Variants in IL22RA2 observed in about 807,000 individuals in gnomAD.
The protein encoded by IL22RA2 is interleukin-22 receptor subunit alpha-2.
In IL22RA2, 39 loss-of-function variants were observed where a neutral mutation model predicts 30.7. The ratio of observed to expected loss-of-function variants is 1.27; its 90% CI spans 0.98 to 1.66. The LOEUF is 1.66. IL22RA2 is among the 40% of genes most tolerant of loss of function. The pLI is 0.00. For missense variants in IL22RA2, 315 were observed against 312.7 expected, an observed-to-expected ratio of 1.01 and a Z score of -0.05; for synonymous variants, 103 against 105.0, an observed-to-expected ratio of 0.98 and a Z score of 0.11.
intron 4 of IL22RA2, among the ~76,000 whole-genome samples, chr6:137,155,852 G>A (rs1266741084): frequency 6.6e-6 from 1 of 152,100 alleles, no homozygotes; most frequent in African/African-American, 2.4e-5. Flanking sequence ...TTTCTGGTGT[G>A]TGGACTGACT....
chr6:137,157,002 G>C (rs1270826244), intron 3 of IL22RA2, 148 bp from the exon 4 acceptor site: 9 of 1,164,336 alleles, frequency 7.7e-6, no homozygotes, highest in Non-Finnish European at 1.1e-5. Context: ...CAGCAATAAT[G>C]GTACCAAGCC....
intron 6 of IL22RA2, among the ~76,000 whole-genome samples, 158 bp downstream of exon 6, chr6:137,147,564 C>G (rs2114347540): frequency 6.6e-6 from 1 of 152,084 alleles, no homozygotes; most frequent in South Asian, 2.1e-4. Context: ...ATGCCACCAC[C>G]AACCGTTGAT....
Position 137,144,181 on chromosome 6 carries a change from A to G in IL22RA2, c.*1443T>C, listed in dbSNP as rs1778127940. ...CAAAATATAAATAATAAGAATTCAAAAACAGAGATCAAAGTAAATTTTTTT... is the reference window on the plus strand; with the variant it reads ...CAAAATATAAATAATAAGAATTCAAGAACAGAGATCAAAGTAAATTTTTTT... On this transcript the variant is annotated 3_prime_UTR_variant, in exon 7 of 7. Transcript: ENST00000296980. 1 of 152,240 alleles carries G rather than the reference A, an allele frequency of 6.6e-6. No homozygotes were observed. Among genetic ancestry groups the G allele is most frequent in the South Asian group, 2.1e-4 (1 of 4,834 alleles). 9.4% of individuals were successfully genotyped at this position (152,240 alleles called of 1,614,324 possible).
chr6:137,149,941 A>C (rs1778256377), intron 5 of IL22RA2, among the ~76,000 whole-genome samples: 1 of 152,190 alleles, frequency 6.6e-6, no homozygotes, highest in South Asian at 2.1e-4. Context: ...GGCCTCCCAA[A>C]GTGCTGGGAT....
chr6:137,154,426 C>G (rs750934593), intron 5 of IL22RA2, among the ~76,000 whole-genome samples: 14 of 152,106 alleles, frequency 9.2e-5, no homozygotes, highest in Non-Finnish European at 1.8e-4. Flanking sequence ...ACCAGCCTGG[C>G]CAATATGATG....
chr6:137,161,673 G>T lies in IL22RA2; in HGVS notation c.61+16C>A. ...TGACAAAGCTATGAGCAATTAAAAA[G>T]AAACAAAGCACTTACCTGCTACACC... is the stretch of plus-strand genomic sequence containing the variant. On this transcript the variant is annotated intron_variant, in intron 2 of 6. Transcript: ENST00000296980. 1.2e-6 allele frequency: 2 copies of T among 1,607,370 alleles called. No individual in the cohort carries two copies. The highest frequency in any genetic ancestry group is 1.7e-6 in the Non-Finnish European group (2 of 1,174,334).
chr6:137,164,091 G>A (rs548699341), intron 1 of IL22RA2, among the ~76,000 whole-genome samples: 1 of 152,268 alleles, frequency 6.6e-6, no homozygotes, highest in East Asian at 1.9e-4. Context: ...GCATCACAAG[G>A]GAGGAAACAG....
At chr6:137,168,607 C>A (rs1778671025) in intron 1 of IL22RA2, among the ~76,000 whole-genome samples, 1 of 152,074 alleles carries the variant, frequency 6.6e-6, no homozygotes, top group Non-Finnish European at 1.5e-5. Flanking sequence ...AATCAGTGGA[C>A]CACACATGAA....
In IL22RA2 at chr6:137,158,429, G is replaced by C. The variant is rs201560036; in HGVS notation, c.115C>G (p.Arg39Gly). ...LKPQRVQFQS[R>G]NFHNILQWQP... ...CATTGCAAAATGTTGTGAAAATTTC[G>C]GGACTGAAATTGTACCCTCTGAGGC... Residue 39 changes from arginine (R) to glycine (G), a missense_variant, in exon 3 of 7, where the codon CGA becomes GGA. Physicochemically the swap from Arg to Gly is moderately radical, Grantham distance 125 (BLOSUM62 -2). Transcript: ENST00000296980. The C allele has an allele frequency of 1.1e-5, 18 of 1,613,846 alleles. No homozygotes were observed. The highest frequency in any genetic ancestry group is 4.4e-5 in the South Asian group (4 of 91,066).
At chr6:137,156,953 A>G in intron 3 of IL22RA2, 99 bp from the exon 4 acceptor site, 1 of 1,505,918 alleles carries the variant, frequency 6.6e-7, no homozygotes. Flanking sequence ...CATTTCCATG[A>G]CAAATTCAGT....
At chr6:137,170,510 G>A (rs1778711911) in intron 1 of IL22RA2, among the ~76,000 whole-genome samples, 1 of 152,160 alleles carries the variant, frequency 6.6e-6, no homozygotes, top group Non-Finnish European at 1.5e-5. Flanking sequence ...TAGGCTGCAA[G>A]ACATGTCTTT....
chr6:137,145,098 A>G lies in IL22RA2; in HGVS notation c.*526T>C, dbSNP rs1221230289. ...GTAGAAATATTTAATAATAATAAAT[A>G]TATAAAAAGTATATTCATATAAAAT... On this transcript the variant is annotated 3_prime_UTR_variant, in exon 7 of 7. Coordinates refer to ENST00000296980, the MANE Select transcript of IL22RA2 (RefSeq NM_052962.3). The G allele has an allele frequency of 6.6e-6, 1 of 151,238 alleles. No individual in the cohort carries two copies. The highest frequency in any genetic ancestry group is 1.5e-5 in the Non-Finnish European group (1 of 67,806). 9.4% of individuals were successfully genotyped at this position (151,238 alleles called of 1,614,324 possible).
intron 1 of IL22RA2, among the ~76,000 whole-genome samples, chr6:137,163,919 G>A (rs1778576496): frequency 1.3e-5 from 2 of 152,130 alleles, no homozygotes; most frequent in Non-Finnish European, 2.9e-5. Flanking sequence ...GCGAGTGTGG[G>A]AAAAACCAGA....
intron 5 of IL22RA2, among the ~76,000 whole-genome samples, chr6:137,151,394 A>G (rs1439363676): frequency 2.0e-5 from 3 of 152,220 alleles, no homozygotes; most frequent in Non-Finnish European, 2.9e-5. Context: ...ACCTCACACC[A>G]CATACAAAAA....
intron 4 of IL22RA2, among the ~76,000 whole-genome samples, chr6:137,156,473 T>G (rs1389430634): frequency 1.3e-5 from 2 of 152,252 alleles, no homozygotes; most frequent in Non-Finnish European, 2.9e-5. Flanking sequence ...TTATTTATAA[T>G]AAGTCTTGAA....
At position 137,145,435 on chromosome 6, in the gene IL22RA2, C is replaced by T. The variant is rs1403872338; in HGVS notation, c.*189G>A. Reference sequence around the variant, plus strand: ...TCAATTTTTCGGGGGGAATGTCGTTCAAATATAGTTTACAAATGAAATATA... The same window carrying T: ...TCAATTTTTCGGGGGGAATGTCGTTTAAATATAGTTTACAAATGAAATATA... On this transcript the variant is annotated 3_prime_UTR_variant, in exon 7 of 7. Coordinates refer to ENST00000296980, the MANE Select transcript of IL22RA2 (RefSeq NM_052962.3). 4.0e-6 allele frequency: 2 copies of T among 495,272 alleles called. No homozygotes were observed. Among genetic ancestry groups the T allele is most frequent in the African/African-American group, 4.0e-5 (2 of 49,524 alleles). 30.7% of individuals were successfully genotyped at this position (495,272 alleles called of 1,614,324 possible).
chr6:137,160,285 T>C (rs1302967440), intron 2 of IL22RA2, among the ~76,000 whole-genome samples: 1 of 152,242 alleles, frequency 6.6e-6, no homozygotes, highest in East Asian at 1.9e-4. Flanking sequence ...GTAATAACAC[T>C]GCACCAGGCA....
rs749754864 is a variant in IL22RA2 at position 137,147,897 on chromosome 6, G to GA, written c.473-7dup. 5.6e-6 allele frequency: 9 copies of GA among 1,603,428 alleles called. No individual in the cohort carries two copies. Among genetic ancestry groups the GA allele is most frequent in the Middle Eastern group, 1.7e-4 (1 of 6,034 alleles). The stretch of plus-strand genomic sequence containing the variant: ...GACTGGAGGATCTATTTTTGCTGAA[G>GA]AAAAAACATAAAAATTTGACAAATC... On this transcript the variant is annotated splice_polypyrimidine_tract_variant and splice_region_variant and intron_variant, in intron 5 of 6. Transcript: ENST00000296980.
chr6:137,150,830 C>A (rs1778274665), intron 5 of IL22RA2, among the ~76,000 whole-genome samples: 1 of 152,114 alleles, frequency 6.6e-6, no homozygotes. Context: ...CAAGAGACAA[C>A]CAAGAGTTAC....
Sources: allele counts gnomAD v4.1 joint callset (sites outside exome capture counted in the v4.1 genomes callset), GRCh38; gene constraint gnomAD v4.1.1; transcripts MANE v1.5; gene names NCBI Gene and HGNC (gene_info 2026-07-23, HGNC 2026-07-21).